ACOT13: variants seen among roughly 807,000 people sequenced by gnomAD.
ACOT13 encodes the protein acyl-CoA thioesterase 13, also known as acyl-coenzyme A thioesterase 13.
In ACOT13, 10 loss-of-function variants were observed where a neutral mutation model predicts 11.8. The ratio of observed to expected loss-of-function variants is 0.85; its 90% CI spans 0.53 to 1.44. The LOEUF (loss-of-function observed/expected upper bound fraction) is 1.44, where lower values mean the gene tolerates loss of function less well. ACOT13 is among the 40% of genes most tolerant of loss of function. The pLI is 0.00. For synonymous variants in ACOT13, 53 were observed against 61.0 expected, an observed-to-expected ratio of 0.87 and a Z score of 0.61; for missense variants, 172 against 174.1, an observed-to-expected ratio of 0.99 and a Z score of 0.07.
At chr6:24,692,798 A>T (rs1778737953) in intron 1 of ACOT13, among the ~76,000 whole-genome samples, 2 of 152,228 alleles carry the variant, frequency 1.3e-5, no homozygotes, top group Admixed American at 6.5e-5. Flanking sequence ...TCAATGGGGA[A>T]ACCTCAGTTC....
intron 1 of ACOT13, among the ~76,000 whole-genome samples, chr6:24,688,399 G>A (rs367911832): frequency 1.1e-4 from 17 of 151,942 alleles, no homozygotes; most frequent in African/African-American, 4.1e-4. Flanking sequence ...AATTAACCAG[G>A]TGTGGTGGTG....
intron 1 of ACOT13, 81 bp from the exon 2 acceptor site, chr6:24,697,802 C>G: frequency 1.7e-6 from 2 of 1,163,158 alleles, no homozygotes; most frequent in Non-Finnish European, 2.3e-6. Context: ...AGATTCAGTT[C>G]AATCCATTGT....
At chr6:24,696,952 T>C (rs931620066) in intron 1 of ACOT13, among the ~76,000 whole-genome samples, 5 of 152,132 alleles carry the variant, frequency 3.3e-5, no homozygotes, top group Admixed American at 6.5e-5. Flanking sequence ...ATTTTTGTAT[T>C]TTTAGTAGAG....
chr6:24,696,187 A>G (rs544021795), intron 1 of ACOT13, among the ~76,000 whole-genome samples: 129 of 152,350 alleles, frequency 8.5e-4, no homozygotes, highest in Admixed American at 2.9e-3. Flanking sequence ...GATGTTTTAT[A>G]TCGCGTGGTT....
At chr6:24,678,641 A>C (rs909908085) in intron 1 of ACOT13, among the ~76,000 whole-genome samples, 1 of 152,198 alleles carries the variant, frequency 6.6e-6, no homozygotes, top group African/African-American at 2.4e-5. Context: ...GAAAACAAAC[A>C]GGTGTTCCTT....
chr6:24,685,798 A>G (rs1039509169), intron 1 of ACOT13, among the ~76,000 whole-genome samples: 19 of 152,210 alleles, frequency 1.2e-4, no homozygotes, highest in African/African-American at 4.6e-4. Context: ...GGTGCTAAAT[A>G]TCTTACAGTG....
chr6:24,669,323 G>A (rs1778320934), intron 1 of ACOT13, among the ~76,000 whole-genome samples: 1 of 152,164 alleles, frequency 6.6e-6, no homozygotes, highest in Non-Finnish European at 1.5e-5. Context: ...GCGGGAAGGG[G>A]GCTTCCAGGT....
At chr6:24,671,400 G>A (rs927365382) in intron 1 of ACOT13, among the ~76,000 whole-genome samples, 1 of 151,486 alleles carries the variant, frequency 6.6e-6, no homozygotes, top group Non-Finnish European at 1.5e-5. Flanking sequence ...CTCATAGTTG[G>A]GAATTGAACA....
At chr6:24,676,252 A>G (rs1042174317) in intron 1 of ACOT13, among the ~76,000 whole-genome samples, 2 of 151,702 alleles carry the variant, frequency 1.3e-5, no homozygotes, top group African/African-American at 2.4e-5. Context: ...GTTTTTTCCA[A>G]TTCTGTGAAG....
At chr6:24,680,648 G>T (rs1477832754) in intron 1 of ACOT13, among the ~76,000 whole-genome samples, 1 of 152,126 alleles carries the variant, frequency 6.6e-6, no homozygotes, top group Non-Finnish European at 1.5e-5. Flanking sequence ...GGATTCTAGT[G>T]GTCCTTTACC....
intron 1 of ACOT13, among the ~76,000 whole-genome samples, chr6:24,675,288 A>C (rs1283429496): frequency 6.6e-6 from 1 of 152,142 alleles, no homozygotes; most frequent in Non-Finnish European, 1.5e-5. Flanking sequence ...CTAGGTGTAG[A>C]TCCTTGAGGA....
chr6:24,667,212 T>TCTTCCGC lies in ACOT13; in HGVS notation c.-46_-45insCCTTCCG. ...TTCACTAACTTCTGGACTTTCCAGC[T>TCTTCCGC]CTTCCGAAGTTCGTTCTTGCGCAAA... On this transcript the variant is annotated 5_prime_UTR_variant, in exon 1 of 3. Transcript: ENST00000230048. 6.4e-7 allele frequency: 1 copy of TCTTCCGC among 1,563,636 alleles called. No homozygotes were observed. Among genetic ancestry groups the TCTTCCGC allele is most frequent in the South Asian group, 1.1e-5 (1 of 88,758 alleles).
chr6:24,677,493 C>T (rs1327919290), intron 1 of ACOT13, among the ~76,000 whole-genome samples: 5 of 152,226 alleles, frequency 3.3e-5, no homozygotes, highest in African/African-American at 1.2e-4. Context: ...ATGAGGCCAA[C>T]CCTTTGCCAG....
At chr6:24,687,885 T>C (rs1778658195) in intron 1 of ACOT13, among the ~76,000 whole-genome samples, 1 of 151,810 alleles carries the variant, frequency 6.6e-6, no homozygotes, top group Non-Finnish European at 1.5e-5. Flanking sequence ...CTAATTTGTG[T>C]ATTTTTAGCA....
chr6:24,681,538 CTCTG>C (rs369542140), intron 1 of ACOT13, among the ~76,000 whole-genome samples: 5 of 146,126 alleles, frequency 3.4e-5, no homozygotes, highest in African/African-American at 1.0e-4. Flanking sequence ...TTCTCTTTGA[CTCTG>C]TCTTTGTCTC....
chr6:24,701,623 G>C lies in ACOT13; in HGVS notation c.*8G>C, dbSNP rs1345558600. ...AAACACCTGGGAAACTGAGAGAACA[G>C]CAGAATGACCTAAAGAAACCCAACA... On this transcript the variant is annotated 3_prime_UTR_variant, in exon 3 of 3. Transcript: ENST00000230048. The C allele has an allele frequency of 1.2e-6, 2 of 1,604,136 alleles. No homozygotes were observed. The highest frequency in any genetic ancestry group is 1.7e-6 in the Non-Finnish European group (2 of 1,174,812).
chr6:24,701,622 A>G lies in ACOT13; in HGVS notation c.*7A>G. 1 of 1,605,966 alleles carries G rather than the reference A, an allele frequency of 6.2e-7. No homozygotes were observed. The stretch of plus-strand genomic sequence containing the variant: ...AAAACACCTGGGAAACTGAGAGAAC[A>G]GCAGAATGACCTAAAGAAACCCAAC... On this transcript the variant is annotated 3_prime_UTR_variant, in exon 3 of 3. Coordinates refer to ENST00000230048, the MANE Select transcript of ACOT13 (RefSeq NM_018473.4).
At chr6:24,700,077 C>T (rs1046920097) in intron 2 of ACOT13, among the ~76,000 whole-genome samples, 2 of 152,218 alleles carry the variant, frequency 1.3e-5, no homozygotes, top group Non-Finnish European at 2.9e-5. Flanking sequence ...CACCCCTGCA[C>T]ATCAAGTCCT....
chr6:24,673,475 C>T (rs978162195), intron 1 of ACOT13, among the ~76,000 whole-genome samples: 6 of 152,098 alleles, frequency 3.9e-5, no homozygotes, highest in African/African-American at 1.4e-4. Flanking sequence ...ATTCTTGTGC[C>T]TCAGCCTGCC....
Sources: gnomAD v4.1 joint callset for allele counts (sites outside exome capture counted in the v4.1 genomes callset) on GRCh38, gnomAD v4.1.1 for gene constraint, MANE v1.5 for transcripts, NCBI Gene and HGNC (gene_info 2026-07-23, HGNC 2026-07-21) for gene names.